Variants in PLEKHA7 observed in about 807,000 individuals in gnomAD.
PLEKHA7 encodes pleckstrin homology domain-containing family A member 7.
A neutral mutation model predicts 170.0 loss-of-function variants in PLEKHA7; 104 were observed. That is an observed-to-expected ratio of 0.61 (90% CI 0.52 to 0.72). PLEKHA7 has a LOEUF of 0.72. PLEKHA7 is among the 30% of genes least tolerant of loss of function. PLEKHA7 has a pLI of 0.00. For synonymous variants in PLEKHA7, 648 were observed against 660.8 expected (o/e 0.98, Z 0.30); for missense variants, 1,615 against 1,671.7 (o/e 0.97, Z 0.59).
chr11:16,975,652 A>G (rs538812110), intron 3 of PLEKHA7, among the ~76,000 whole-genome samples: 3 of 152,322 alleles, frequency 2.0e-5, no homozygotes, highest in Non-Finnish European at 4.4e-5. Context: ...ATACAAAACT[A>G]TATATTATCC....
chr11:16,986,947 C>T (rs1766277385), intron 3 of PLEKHA7, among the ~76,000 whole-genome samples: 1 of 152,230 alleles, frequency 6.6e-6, no homozygotes, highest in Non-Finnish European at 1.5e-5. Context: ...TGCAGAACAC[C>T]GGCAAGGGCA....
At chr11:16,783,660 T>A in intron 25 of PLEKHA7, 40 bp downstream of exon 25, 1 of 1,361,034 alleles carries the variant, frequency 7.3e-7, no homozygotes, top group Non-Finnish European at 9.5e-7. Flanking sequence ...CCACCTGGGG[T>A]CAGGGTGACC....
At chr11:16,902,463 G>A (rs1397280670) in intron 3 of PLEKHA7, among the ~76,000 whole-genome samples, 3 of 152,182 alleles carry the variant, frequency 2.0e-5, no homozygotes, top group Non-Finnish European at 4.4e-5. Flanking sequence ...TACCAGCAGT[G>A]CATCAGTGTT....
chr11:16,828,534 A>G (rs956222275), intron 9 of PLEKHA7, among the ~76,000 whole-genome samples: 2 of 152,228 alleles, frequency 1.3e-5, no homozygotes, highest in South Asian at 4.1e-4. Flanking sequence ...AAAAGCAAGC[A>G]TTCTTCTCGC....
intron 3 of PLEKHA7, among the ~76,000 whole-genome samples, chr11:17,013,625 C>A (rs1865458900): frequency 6.6e-6 from 1 of 152,272 alleles, no homozygotes; most frequent in Non-Finnish European, 1.5e-5. Context: ...TCCTCCCACC[C>A]GAGCCCATCC....
chr11:16,935,935 G>A (rs796865338), intron 3 of PLEKHA7, among the ~76,000 whole-genome samples: 1 of 152,126 alleles, frequency 6.6e-6, no homozygotes, highest in Admixed American at 6.5e-5. Flanking sequence ...AAGAACAGAC[G>A]GATCAAATTA....
chr11:16,956,406 C>A (rs1209261561), intron 3 of PLEKHA7, among the ~76,000 whole-genome samples: 1 of 152,186 alleles, frequency 6.6e-6, no homozygotes, highest in Non-Finnish European at 1.5e-5. Context: ...CAAGTTAACA[C>A]CCACTTAGAG....
At chr11:16,929,806 C>T (rs1169605564) in intron 3 of PLEKHA7, among the ~76,000 whole-genome samples, 1 of 151,972 alleles carries the variant, frequency 6.6e-6, no homozygotes, top group African/African-American at 2.4e-5. Flanking sequence ...AGATCGAGAC[C>T]ATCCTGGCCA....
At chr11:16,819,591 CA>C (rs1449686629) in intron 10 of PLEKHA7, among the ~76,000 whole-genome samples, 1 of 152,224 alleles carries the variant, frequency 6.6e-6, no homozygotes. Flanking sequence ...TTGTGCCAGA[CA>C]TTGTTCCAAG....
chr11:16,801,648 G>GTC lies in PLEKHA7; in HGVS notation c.2307+18_2307+19dup. ...GCTCAGCCCGTCCTGAGGGAGACAG[G>GTC]TCTGCCACCCTCTACGCACAGTGGA... On this transcript the variant is annotated intron_variant, in intron 16 of 26. Coordinates refer to ENST00000531066, the MANE Select transcript of PLEKHA7 (RefSeq NM_001329630.2). 1 of 1,613,682 alleles carries GTC rather than the reference G, an allele frequency of 6.2e-7. No individual in the cohort carries two copies. The highest frequency in any genetic ancestry group is 1.1e-5 in the South Asian group (1 of 91,072).
intron 3 of PLEKHA7, among the ~76,000 whole-genome samples, chr11:16,997,639 C>A (rs1441864297): frequency 6.6e-6 from 1 of 152,178 alleles, no homozygotes; most frequent in Non-Finnish European, 1.5e-5. Flanking sequence ...GTCTCTGAGC[C>A]CCAGCACAGC....
rs200169638 is a variant in PLEKHA7 at position 16,854,850 on chromosome 11, G to C, written c.522+39C>G. The C allele has an allele frequency of 1.3e-4, 201 of 1,563,136 alleles. 4 individuals are homozygous for C. In the East Asian group the frequency reaches 2.4e-3, roughly 18 times the overall value. ...TGGGAAAGGAGAGAACTCAGCCAGA[G>C]CCATTTCCTCCAGGATTCTCACTCC... On this transcript the variant is annotated intron_variant, in intron 6 of 26. Coordinates refer to ENST00000531066, the MANE Select transcript of PLEKHA7 (RefSeq NM_001329630.2).
intron 3 of PLEKHA7, among the ~76,000 whole-genome samples, chr11:16,919,437 G>A (rs1187670370): frequency 1.3e-5 from 2 of 152,058 alleles, no homozygotes; most frequent in Middle Eastern, 3.2e-3. Flanking sequence ...AGCTTCTCAG[G>A]AGACAGGCAG....
intron 3 of PLEKHA7, among the ~76,000 whole-genome samples, chr11:16,988,313 T>C (rs200629481): frequency 1.3e-5 from 2 of 152,314 alleles, no homozygotes; most frequent in Admixed American, 6.5e-5. Flanking sequence ...AGGGCTGCCC[T>C]GGGAGCCACA....
intron 4 of PLEKHA7, among the ~76,000 whole-genome samples, chr11:16,858,355 C>T (rs979040417): frequency 1.4e-4 from 22 of 152,210 alleles, no homozygotes; most frequent in Admixed American, 1.4e-3. Flanking sequence ...CAAATAACTG[C>T]ATCACGTTCC....
chr11:16,792,404 C>A (rs1186868209), intron 19 of PLEKHA7, among the ~76,000 whole-genome samples: 2 of 151,858 alleles, frequency 1.3e-5, no homozygotes, highest in Non-Finnish European at 2.9e-5. Context: ...AGAACTATAG[C>A]CACATGCAAC....
chr11:16,856,011 T>C, intron 4 of PLEKHA7, 97 bp from the exon 5 acceptor site: 3 of 996,258 alleles, frequency 3.0e-6, no homozygotes, highest in African/African-American at 1.6e-5. Flanking sequence ...TGTTGGGCCT[T>C]AGAACAACCC....
intron 3 of PLEKHA7, among the ~76,000 whole-genome samples, chr11:16,980,190 G>A (rs542441811): frequency 1.6e-3 from 247 of 152,330 alleles, no homozygotes; most frequent in African/African-American, 5.7e-3. Context: ...CAGAAAACGG[G>A]AAGAATCACA....
chr11:16,866,818 T>A (rs1565040558), intron 4 of PLEKHA7, among the ~76,000 whole-genome samples: 1 of 152,124 alleles, frequency 6.6e-6, no homozygotes, highest in Non-Finnish European at 1.5e-5. Flanking sequence ...TCACATTATT[T>A]CTTTCGTTTA....
Sources: allele counts gnomAD v4.1 joint callset (sites outside exome capture counted in the v4.1 genomes callset), GRCh38; gene constraint gnomAD v4.1.1; transcripts MANE v1.5; gene names NCBI Gene and HGNC (gene_info 2026-07-23, HGNC 2026-07-21).